SMARCAL1: variants seen among roughly 807,000 people sequenced by gnomAD.
The protein encoded by SMARCAL1 is ATP-driven annealing helicase.
In SMARCAL1, 58 loss-of-function variants were observed where a neutral mutation model predicts 94.5. The ratio of observed to expected loss-of-function variants is 0.61; its 90% CI spans 0.50 to 0.76. The LOEUF is 0.76. Among genes scored for constraint, SMARCAL1 ranks in the 30% least tolerant of loss-of-function variants. The pLI is 0.00. For synonymous variants in SMARCAL1, 422 were observed against 455.1 expected, an observed-to-expected ratio of 0.93 and a Z score of 0.93; for missense variants, 1,051 against 1,177.9, an observed-to-expected ratio of 0.89 and a Z score of 1.58.
chr2:216,418,960 T>G (rs978692108), intron 4 of SMARCAL1, among the ~76,000 whole-genome samples: 4 of 152,252 alleles, frequency 2.6e-5, no homozygotes, highest in African/African-American at 9.6e-5. Context: ...GATAGCTGTA[T>G]AACATTCTGT....
chr2:216,421,105 C>G lies in SMARCAL1; in HGVS notation c.1096+573C>G, dbSNP rs544957420. ...GCTGGTGGTTCTGCTCTCGGCCTGCCCATCAGCATCACAGGGCCACTTCAA... is the reference window on the plus strand; with the variant it reads ...GCTGGTGGTTCTGCTCTCGGCCTGCGCATCAGCATCACAGGGCCACTTCAA... On this transcript the variant is annotated intron_variant, in intron 5 of 17. Transcript: ENST00000357276. 2.6e-5 allele frequency among the ~76,000 whole-genome samples: 4 copies of G among 152,244 alleles called. No homozygotes were observed. The East Asian group carries it at 7.7e-4, about 29-fold the overall frequency.
chr2:216,461,741 G>A (rs545407262), intron 12 of SMARCAL1, among the ~76,000 whole-genome samples: 1 of 152,136 alleles, frequency 6.6e-6, no homozygotes, highest in South Asian at 2.1e-4. Context: ...GGCTGAGGTG[G>A]GAAGATCACC....
chr2:216,445,996 GGTTAACAAGCT>G (rs1189380828), intron 10 of SMARCAL1, among the ~76,000 whole-genome samples: 1 of 152,190 alleles, frequency 6.6e-6, no homozygotes, highest in Non-Finnish European at 1.5e-5. Flanking sequence ...AGGTTACAGT[GGTTAACAAGCT>G]GTTTCTAGAC....
At chr2:216,445,746 T>C (rs1694300141) in intron 10 of SMARCAL1, among the ~76,000 whole-genome samples, 1 of 152,230 alleles carries the variant, frequency 6.6e-6, no homozygotes, top group Admixed American at 6.5e-5. Flanking sequence ...TGGAAAATTA[T>C]AGCTGGAGAC....
intron 16 of SMARCAL1, among the ~76,000 whole-genome samples, chr2:216,477,976 C>A (rs545991041): frequency 4.5e-4 from 69 of 152,222 alleles, no homozygotes; most frequent in Admixed American, 2.7e-3. Flanking sequence ...ACACATCTTC[C>A]ATTAGAAAGA....
At chr2:216,455,748 G>A (rs1239360001) in intron 12 of SMARCAL1, among the ~76,000 whole-genome samples, 2 of 152,142 alleles carry the variant, frequency 1.3e-5, no homozygotes, top group African/African-American at 4.8e-5. Context: ...CAAAGATGGG[G>A]AAAAAACAGA....
chr2:216,425,826 C>G lies in SMARCAL1; in HGVS notation c.1147+2143C>G, dbSNP rs72946693. ...AGGCAGGCCTGGAAAAAGCACCATT[C>G]GATTGGCTAAAAGGCATTGAGGAAG... On this transcript the variant is annotated intron_variant, in intron 6 of 17. Coordinates refer to ENST00000357276, the MANE Select transcript of SMARCAL1 (RefSeq NM_014140.4). 8.2e-3 allele frequency among the ~76,000 whole-genome samples: 1,254 copies of G among 152,128 alleles called. 14 individuals carry two copies. Among genetic ancestry groups the G allele is most frequent in the African/African-American group, 0.029 (1,198 of 41,510 alleles).
intron 12 of SMARCAL1, among the ~76,000 whole-genome samples, chr2:216,458,382 A>G (rs955542454): frequency 6.6e-6 from 1 of 152,222 alleles, no homozygotes; most frequent in African/African-American, 2.4e-5. Flanking sequence ...ACACAACAAA[A>G]AAAGAATTTT....
rs989776349 is a variant in SMARCAL1 at position 216,413,870 on chromosome 2, A to G, written c.-81A>G. 2.6e-5 allele frequency: 4 copies of G among 152,212 alleles called. No individual in the cohort carries two copies. Among genetic ancestry groups the G allele is most frequent in the African/African-American group, 2.4e-5 (1 of 41,434 alleles). The allele number at this position is 152,212 out of a possible 1,614,324, so 9.4% of individuals were successfully genotyped here. On this transcript the variant is annotated 5_prime_UTR_variant, in exon 2 of 18. An upstream start codon of the reference 5' UTR is lost. Coordinates refer to ENST00000357276, the MANE Select transcript of SMARCAL1 (RefSeq NM_014140.4). The stretch of plus-strand genomic sequence containing the variant: ...CCTTCTTCTAGGTTGGAAAAAGACT[A>G]TGTTAGCAAGTGTCACGCCATGGTA...
At chr2:216,457,196 T>A (rs977778993) in intron 12 of SMARCAL1, among the ~76,000 whole-genome samples, 2 of 152,144 alleles carry the variant, frequency 1.3e-5, no homozygotes, top group Non-Finnish European at 2.9e-5. Context: ...AAGCAAGTCC[T>A]TAGAGACCTA....
At chr2:216,445,914 ATC>A (rs1210971524) in intron 10 of SMARCAL1, among the ~76,000 whole-genome samples, 1 of 152,190 alleles carries the variant, frequency 6.6e-6, no homozygotes, top group Non-Finnish European at 1.5e-5. Flanking sequence ...CAGTGTATCC[ATC>A]TGTAAACCTA....
intron 12 of SMARCAL1, 137 bp downstream of exon 12, chr2:216,451,201 G>A (rs1460485883): frequency 2.9e-5 from 22 of 758,020 alleles, no homozygotes; most frequent in South Asian, 2.8e-4. Flanking sequence ...GGCAAGAACA[G>A]CAAGTCCATT....
At chr2:216,449,378 CT>C (rs968321901) in intron 11 of SMARCAL1, among the ~76,000 whole-genome samples, 9 of 144,538 alleles carry the variant, frequency 6.2e-5, no homozygotes, top group Admixed American at 4.2e-4. Context: ...CCAGGGCTGC[CT>C]TTTTTTTTTC....
intron 14 of SMARCAL1, among the ~76,000 whole-genome samples, chr2:216,471,999 T>C (rs1397904991): frequency 6.6e-6 from 1 of 152,180 alleles, no homozygotes; most frequent in Non-Finnish European, 1.5e-5. Context: ...TTAGTATATA[T>C]TGCTATCGGA....
intron 6 of SMARCAL1, chr2:216,426,974 C>A (rs757271568): frequency 6.6e-6 from 1 of 152,202 alleles, no homozygotes; most frequent in Non-Finnish European, 1.5e-5. Flanking sequence ...TAAGGAGAAT[C>A]TAAGCTTTCC....
intron 4 of SMARCAL1, among the ~76,000 whole-genome samples, chr2:216,419,925 G>A (rs1452126913): frequency 1.3e-5 from 2 of 150,316 alleles, no homozygotes; most frequent in East Asian, 2.0e-4. Flanking sequence ...AGCTACTGGG[G>A]AGTCTGAGGT....
chr2:216,418,314 G>GA (rs1693648555), intron 4 of SMARCAL1, among the ~76,000 whole-genome samples: 2 of 152,062 alleles, frequency 1.3e-5, no homozygotes, highest in East Asian at 1.9e-4. Context: ...TCATAGAAGA[G>GA]AAAAAAAATT....
chr2:216,461,539 A>G (rs1694704586), intron 12 of SMARCAL1, among the ~76,000 whole-genome samples: 1 of 152,208 alleles, frequency 6.6e-6, no homozygotes, highest in African/African-American at 2.4e-5. Context: ...CTTAAAACAT[A>G]ATATTTAGCC....
intron 6 of SMARCAL1, among the ~76,000 whole-genome samples, chr2:216,424,150 A>G (rs1693782566): frequency 6.6e-6 from 1 of 152,256 alleles, no homozygotes; most frequent in Non-Finnish European, 1.5e-5. Flanking sequence ...TGTTTGGGGC[A>G]GAAGTCAAGG....
Sources: gnomAD v4.1 joint callset for allele counts (sites outside exome capture counted in the v4.1 genomes callset) on GRCh38, gnomAD v4.1.1 for gene constraint, MANE v1.5 for transcripts, NCBI Gene and HGNC (gene_info 2026-07-23, HGNC 2026-07-21) for gene names.